Variants in HEXA observed in about 807,000 individuals in gnomAD.
HEXA encodes the protein hexosaminidase subunit alpha.
A neutral mutation model predicts 73.3 loss-of-function variants in HEXA; 54 were observed. The ratio of observed to expected loss-of-function variants is 0.74; its 90% CI spans 0.59 to 0.92. HEXA has a LOEUF of 0.92. Ranked by LOEUF, HEXA falls within the 40% of genes least tolerant of loss-of-function variation. The probability of loss-of-function intolerance (pLI) is 0.00; values close to 1 mark genes in which losing one functional copy is unlikely to be tolerated. For synonymous variants in HEXA, 230 were observed against 246.9 expected (o/e 0.93, Z 0.64); for missense variants, 649 against 653.0 (o/e 0.99, Z 0.07).
intron 1 of HEXA, among the ~76,000 whole-genome samples, chr15:72,361,500 A>C (rs754902269): frequency 8.5e-5 from 13 of 152,068 alleles, no homozygotes; most frequent in Non-Finnish European, 1.5e-4. Context: ...CTTCTTCTGG[A>C]GCTCTAGACT....
At chr15:72,356,791 CGTT>C in intron 1 of HEXA, 174 bp from the exon 2 acceptor site, 1 of 920,498 alleles carries the variant, frequency 1.1e-6, no homozygotes, top group South Asian at 1.4e-5. Context: ...GTCTCACTCT[CGTT>C]GTGCCCCTCT....
chr15:72,366,539 G>C (rs947505911), intron 1 of HEXA, among the ~76,000 whole-genome samples: 2 of 151,990 alleles, frequency 1.3e-5, no homozygotes, highest in Admixed American at 6.6e-5. Flanking sequence ...TCGAACTCCT[G>C]ACCTCAAGTG....
intron 2 of HEXA, 63 bp downstream of exon 2, chr15:72,356,462 T>C (rs1211300657): frequency 3.8e-6 from 6 of 1,588,376 alleles, no homozygotes; most frequent in Non-Finnish European, 4.3e-6. Context: ...GGCCAGGCCA[T>C]CCAGAGTTAC....
intron 1 of HEXA, among the ~76,000 whole-genome samples, chr15:72,371,380 G>A (rs1304994086): frequency 6.6e-6 from 1 of 152,038 alleles, no homozygotes; most frequent in East Asian, 1.9e-4. Context: ...GCTGAAGCAG[G>A]CAGAGTGGTT....
chr15:72,353,076 C>T lies in HEXA; in HGVS notation c.562G>A (p.Asp188Asn), dbSNP rs1288169926. 6.2e-7 allele frequency: 1 copy of T among 1,605,752 alleles called. No individual in the cohort carries two copies. The highest frequency in any genetic ancestry group is 1.1e-5 in the South Asian group (1 of 90,910). The stretch of plus-strand genomic sequence containing the variant: ...CCTTAAGGCCTGGTTACCAGAGTGT[C>T]CAGGATGCTAGAGAGTGGCAGGTAA... ...RHYLPLSSIL[D>N]TLDVMAYNKL... The change falls in exon 5 of 14, where the codon GAC (aspartate) becomes AAC (asparagine). Residue 188 changes from aspartate (D) to asparagine (N), a missense_variant. Coordinates refer to ENST00000268097, the MANE Select transcript of HEXA (RefSeq NM_000520.6).
intron 1 of HEXA, chr15:72,358,142 C>T (rs2088809491): frequency 6.6e-6 from 1 of 152,220 alleles, no homozygotes; most frequent in Non-Finnish European, 1.5e-5. Context: ...GAGGACTTAA[C>T]CTAGGAGCAA....
chr15:72,373,211 A>C (rs1035405240), intron 1 of HEXA, among the ~76,000 whole-genome samples: 1 of 152,224 alleles, frequency 6.6e-6, no homozygotes, highest in African/African-American at 2.4e-5. Context: ...GAGGATGGAA[A>C]TCTGTTAGTT....
chr15:72,354,115 T>C, intron 3 of HEXA: 1 of 246,218 alleles, frequency 4.1e-6, no homozygotes. Context: ...GTTGGACTTT[T>C]CATGGATAAC....
In HEXA at chr15:72,349,335, G is replaced by A. The variant is rs1248149494; in HGVS notation, c.806-76C>T. The A allele has an allele frequency of 7.7e-6, 9 of 1,165,478 alleles. No individual in the cohort carries two copies. In the South Asian group the frequency reaches 9.8e-5, roughly 13 times the overall value. 72.2% of individuals were successfully genotyped at this position (1,165,478 alleles called of 1,614,324 possible). On this transcript the variant is annotated intron_variant, in intron 7 of 13. Transcript: ENST00000268097. ...CGCACAGTCCTACACGTAAGGACAC[G>A]AGTCACACAAAGCAAGACAAGTGTA...
rs572004811 is a variant in HEXA, at chr15:72,345,326, G to A, written c.1526+120C>T. 12 of 1,534,974 alleles carry A rather than the reference G, an allele frequency of 7.8e-6. No homozygotes were observed. In the African/African-American group the frequency reaches 1.6e-4, roughly 21 times the overall value. On this transcript the variant is annotated intron_variant, in intron 13 of 13. Transcript: ENST00000268097. ...CAGTTGGTTGAATCCGTGGATGAGG[G>A]CTGACTATAAGCCTCTGTAAGTGTT... is the stretch of plus-strand genomic sequence containing the variant.
At chr15:72,370,971 C>T (rs546695273) in intron 1 of HEXA, among the ~76,000 whole-genome samples, 1 of 152,320 alleles carries the variant, frequency 6.6e-6, no homozygotes, top group East Asian at 1.9e-4. Flanking sequence ...GTGTTGTTTT[C>T]TTCCTCTTTG....
chr15:72,347,749 G>C lies in HEXA; in HGVS notation c.1083C>G (p.Asp361Glu), dbSNP rs2088636783. The change falls in exon 10 of 14, where the codon GAC becomes GAG. Residue 361 changes from aspartate to glutamate, a missense_variant. Asp to Glu is a conservative substitution (Grantham distance 45). Coordinates refer to ENST00000268097, the MANE Select transcript of HEXA (RefSeq NM_000520.6). ...LESFYIQTLL[D>E]IVSSYGKGYV... ...AGCCCTTGCCATAAGAAGAGACGATGTCCAGCAGCCTGGAGAGGAGAGGAG... is the reference window on the plus strand; with the variant it reads ...AGCCCTTGCCATAAGAAGAGACGATCTCCAGCAGCCTGGAGAGGAGAGGAG... 1.2e-6 allele frequency: 2 copies of C among 1,614,032 alleles called. No homozygotes were observed. The highest frequency in any genetic ancestry group is 1.1e-5 in the South Asian group (1 of 91,088).
At chr15:72,345,991 C>T (rs1452325046) in intron 12 of HEXA, 1 of 576,350 alleles carries the variant, frequency 1.7e-6, no homozygotes. Flanking sequence ...CTCATTATCT[C>T]TCTGGGAAGT....
intron 1 of HEXA, chr15:72,357,067 T>C (rs2088794733): frequency 3.3e-6 from 1 of 301,682 alleles, no homozygotes; most frequent in Non-Finnish European, 6.6e-6. Flanking sequence ...ATCAATTATG[T>C]CAGAGTAAAC....
At chr15:72,374,367 T>C (rs936036552) in intron 1 of HEXA, among the ~76,000 whole-genome samples, 2 of 152,164 alleles carry the variant, frequency 1.3e-5, no homozygotes, top group Non-Finnish European at 2.9e-5. Context: ...AGGCCTCTTA[T>C]CCTCTCCAGC....
rs187268678 is a variant in HEXA, at chr15:72,361,579, T to C, written c.254-4962A>G. 1.2e-3 allele frequency among the ~76,000 whole-genome samples: 182 copies of C among 152,250 alleles called. 2 individuals are homozygous for C. The highest frequency in any genetic ancestry group is 0.011 in the Admixed American group (172 of 15,288). On this transcript the variant is annotated intron_variant, in intron 1 of 13. Coordinates refer to ENST00000268097, the MANE Select transcript of HEXA (RefSeq NM_000520.6). ...AACATAAAACTAATCTAACTCTTCA[T>C]TCCTCCTCCTGGCTGATCCTCTCTC... is the stretch of plus-strand genomic sequence containing the variant.
intron 5 of HEXA, 136 bp downstream of exon 5, chr15:72,352,932 G>A: frequency 1.5e-6 from 1 of 680,246 alleles, no homozygotes; most frequent in South Asian, 1.5e-5. Context: ...CCAAAGTGTT[G>A]GGATTACAGG....
chr15:72,369,197 A>C (rs1174396678), intron 1 of HEXA, among the ~76,000 whole-genome samples: 1 of 152,246 alleles, frequency 6.6e-6, no homozygotes, highest in East Asian at 1.9e-4. Context: ...AGAAGACTCA[A>C]GTTCCTGACC....
intron 1 of HEXA, chr15:72,370,351 A>C: frequency 6.0e-6 from 2 of 335,884 alleles, no homozygotes; most frequent in Non-Finnish European, 1.1e-5. Flanking sequence ...CACCTTGATC[A>C]AGTTTAGCTT....
Sources: allele counts gnomAD v4.1 joint callset (sites outside exome capture counted in the v4.1 genomes callset), GRCh38; gene constraint gnomAD v4.1.1; transcripts MANE v1.5; gene names NCBI Gene and HGNC (gene_info 2026-07-23, HGNC 2026-07-21).